RAB3C: variants seen among roughly 807,000 people sequenced by gnomAD.
RAB3C encodes RAB3C, member RAS oncogene family, also known as ras-related protein Rab-3C.
Under a neutral mutation model 26.4 loss-of-function variants are expected in RAB3C, and 17 were observed. The observed-to-expected ratio is 0.64, with a 90% CI of 0.44 to 0.97. RAB3C has a LOEUF of 0.97. Ranked by LOEUF, RAB3C falls within the 50% of genes least tolerant of loss-of-function variation. RAB3C has a pLI of 0.00. For missense variants in RAB3C, 242 were observed against 281.9 expected, an observed-to-expected ratio of 0.86 and a Z score of 1.01; for synonymous variants, 91 against 95.9, an observed-to-expected ratio of 0.95 and a Z score of 0.30.
rs867764386 is a variant in RAB3C at position 58,773,363 on chromosome 5, C to T, written c.371+47243C>T. Among the ~76,000 whole-genome samples, 8 of 152,194 alleles carry T rather than the reference C, an allele frequency of 5.3e-5. No homozygotes were observed. The Middle Eastern group carries it at 0.014, about 259-fold the overall frequency. The stretch of plus-strand genomic sequence containing the variant: ...CTGAGAACCCAAATAAGGGACTGTC[C>T]TAAATGAACTTGGAATAGCATTCAA... On this transcript the variant is annotated intron_variant, in intron 3 of 4. Transcript: ENST00000282878.
chr5:58,673,136 G>C (rs1239258448), intron 2 of RAB3C, among the ~76,000 whole-genome samples: 2 of 152,090 alleles, frequency 1.3e-5, no homozygotes, highest in African/African-American at 2.4e-5. Context: ...CTAGGCATTA[G>C]GCAAGGTGCT....
At chr5:58,711,145 A>G (rs902194749) in intron 2 of RAB3C, among the ~76,000 whole-genome samples, 3 of 152,320 alleles carry the variant, frequency 2.0e-5, no homozygotes, top group Non-Finnish European at 4.4e-5. Flanking sequence ...GGAGGCATGG[A>G]GAGCGAAAAG....
intron 1 of RAB3C, among the ~76,000 whole-genome samples, chr5:58,610,223 T>TGTGTGTGTGTGTGC (rs10526942): frequency 6.6e-6 from 1 of 151,614 alleles, no homozygotes; most frequent in Non-Finnish European, 1.5e-5. Context: ...TGTGTGTGTG[T>TGTGTGTGTGTGTGC]ACATACGTTT....
At chr5:58,836,158 C>G (rs1469757343) in intron 4 of RAB3C, among the ~76,000 whole-genome samples, 1 of 152,062 alleles carries the variant, frequency 6.6e-6, no homozygotes, top group African/African-American at 2.4e-5. Flanking sequence ...AAAAAATACC[C>G]TTAGAAAGGC....
chr5:58,584,506 C>A (rs1242822317), intron 1 of RAB3C, among the ~76,000 whole-genome samples: 4 of 152,074 alleles, frequency 2.6e-5, no homozygotes, highest in African/African-American at 9.7e-5. Context: ...AGAATCTGAA[C>A]AGACAATAAA....
chr5:58,763,799 G>T (rs907002887), intron 3 of RAB3C, among the ~76,000 whole-genome samples: 1 of 152,176 alleles, frequency 6.6e-6, no homozygotes. Flanking sequence ...AGCAGAAAAG[G>T]TAATAGAGTG....
intron 3 of RAB3C, among the ~76,000 whole-genome samples, chr5:58,781,542 A>G (rs1742270652): frequency 6.6e-6 from 1 of 152,050 alleles, no homozygotes; most frequent in African/African-American, 2.4e-5. Flanking sequence ...ATACTTTGAA[A>G]GCATTAAGGC....
chr5:58,675,017 AC>A (rs1461757821), intron 2 of RAB3C, among the ~76,000 whole-genome samples: 1 of 152,118 alleles, frequency 6.6e-6, no homozygotes, highest in Non-Finnish European at 1.5e-5. Flanking sequence ...TGAATCCAGC[AC>A]CTTGAGGATC....
chr5:58,767,324 T>A (rs1741928211), intron 3 of RAB3C, among the ~76,000 whole-genome samples: 1 of 152,162 alleles, frequency 6.6e-6, no homozygotes, highest in Non-Finnish European at 1.5e-5. Context: ...AAACAGGCAC[T>A]CTAGTTTTCT....
intron 1 of RAB3C, among the ~76,000 whole-genome samples, chr5:58,616,519 A>G (rs1746828440): frequency 6.6e-6 from 1 of 152,192 alleles, no homozygotes; most frequent in Non-Finnish European, 1.5e-5. Flanking sequence ...CATTTTTGAT[A>G]GATGTTAAGA....
intron 3 of RAB3C, among the ~76,000 whole-genome samples, chr5:58,777,448 T>G (rs1742168647): frequency 6.6e-6 from 1 of 152,126 alleles, no homozygotes; most frequent in Non-Finnish European, 1.5e-5. Flanking sequence ...AATATTACTT[T>G]TTTTAAGAAG....
At chr5:58,845,488 G>A (rs1462629030) in intron 4 of RAB3C, among the ~76,000 whole-genome samples, 4 of 151,278 alleles carry the variant, frequency 2.6e-5, no homozygotes, top group Middle Eastern at 3.4e-3. Context: ...TTGTGGTAGG[G>A]GATTCTGCCA....
At chr5:58,819,529 A>G (rs887824813) in intron 3 of RAB3C, among the ~76,000 whole-genome samples, 5 of 152,240 alleles carry the variant, frequency 3.3e-5, no homozygotes, top group African/African-American at 9.6e-5. Context: ...TAAAAGAAAT[A>G]TCAAGAACAC....
intron 2 of RAB3C, among the ~76,000 whole-genome samples, chr5:58,654,353 A>G (rs1193024193): frequency 6.6e-6 from 1 of 152,198 alleles, no homozygotes; most frequent in Non-Finnish European, 1.5e-5. Context: ...TATATTTTAA[A>G]TGGGGAAATA....
At chr5:58,808,772 G>T (rs904269080) in intron 3 of RAB3C, among the ~76,000 whole-genome samples, 1 of 152,058 alleles carries the variant, frequency 6.6e-6, no homozygotes, top group African/African-American at 2.4e-5. Flanking sequence ...GTTCACCATG[G>T]TCTGCTTTTA....
At chr5:58,662,712 T>C (rs1385236067) in intron 2 of RAB3C, among the ~76,000 whole-genome samples, 2 of 149,966 alleles carry the variant, frequency 1.3e-5, no homozygotes, top group Non-Finnish European at 2.9e-5. Context: ...CAAGATACCA[T>C]TTACATGAAA....
At chr5:58,834,035 A>G (rs1743680064) in intron 4 of RAB3C, among the ~76,000 whole-genome samples, 1 of 152,242 alleles carries the variant, frequency 6.6e-6, no homozygotes, top group African/African-American at 2.4e-5. Flanking sequence ...TTAGTTCAAA[A>G]AAGTAAATAA....
rs182589807 is a variant in RAB3C at position 58,613,785 on chromosome 5, A to G, written c.25-3858A>G. ...CACATGGGACTTTGAAAATCTGAAG[A>G]GGTGTCAGTTTTAACCTAGCAGGAT... On this transcript the variant is annotated intron_variant, in intron 1 of 4. Transcript: ENST00000282878. Among the ~76,000 whole-genome samples the G allele has an allele frequency of 4.1e-4, 63 of 152,190 alleles. No individual in the cohort carries two copies. In the East Asian group the frequency reaches 8.1e-3, roughly 20 times the overall value.
At chr5:58,585,755 C>CT (rs1261184280) in intron 1 of RAB3C, among the ~76,000 whole-genome samples, 2 of 151,956 alleles carry the variant, frequency 1.3e-5, no homozygotes, top group Non-Finnish European at 2.9e-5. Flanking sequence ...AAGAGTATTT[C>CT]TTTCTGAATT....
Sources: gnomAD v4.1 joint callset for allele counts (sites outside exome capture counted in the v4.1 genomes callset) on GRCh38, gnomAD v4.1.1 for gene constraint, MANE v1.5 for transcripts, NCBI Gene and HGNC (gene_info 2026-07-23, HGNC 2026-07-21) for gene names.